ARL8B: variants seen among roughly 807,000 people sequenced by gnomAD.
The protein encoded by ARL8B is ARF like GTPase 8B, also known as ADP-ribosylation factor-like protein 8B.
Under a neutral mutation model 30.6 loss-of-function variants are expected in ARL8B, and 9 were observed. The ratio of observed to expected loss-of-function variants is 0.29; its 90% confidence interval spans 0.18 to 0.51. The LOEUF (loss-of-function observed/expected upper bound fraction) is 0.51, where lower values mean the gene tolerates loss of function less well. ARL8B is among the 20% of genes least tolerant of loss of function. The pLI, the probability that ARL8B is intolerant of heterozygous loss-of-function variation, is 0.97. For synonymous variants in ARL8B, 74 were observed against 76.0 expected (o/e 0.97, Z 0.14); for missense variants, 130 against 227.2 (o/e 0.57, Z 2.75).
At chr3:5,125,625 T>G (rs930041548) in intron 1 of ARL8B, among the ~76,000 whole-genome samples, 1 of 151,658 alleles carries the variant, frequency 6.6e-6, no homozygotes, top group African/African-American at 2.4e-5. Context: ...CTCTGCCTCC[T>G]GGGTTCAAGC....
intron 1 of ARL8B, among the ~76,000 whole-genome samples, chr3:5,141,717 A>G (rs1388069127): frequency 1.3e-5 from 2 of 152,214 alleles, no homozygotes; most frequent in South Asian, 2.1e-4. Context: ...GAATGAAAGT[A>G]TAACGTTTCC....
At chr3:5,163,516 A>G (rs2054599129) in intron 1 of ARL8B, among the ~76,000 whole-genome samples, 1 of 152,212 alleles carries the variant, frequency 6.6e-6, no homozygotes, top group South Asian at 2.1e-4. Context: ...TGAACATTGT[A>G]TATATGATTC....
At position 5,155,141 on chromosome 3, in the gene ARL8B, A is replaced by ATT. The variant is rs537589284; in HGVS notation, c.124-15358_124-15357dup. 2.4e-3 allele frequency among the ~76,000 whole-genome samples: 371 copies of ATT among 152,076 alleles called. 2 individuals carry two copies. Among genetic ancestry groups the ATT allele is most frequent in the African/African-American group, 8.7e-3 (359 of 41,480 alleles). The stretch of plus-strand genomic sequence containing the variant: ...CTTTTGTTTATCTGGGAATGTTTTA[A>ATT]TTTTTCTCCAACTTCTGAAGGACGT... On this transcript the variant is annotated intron_variant, in intron 1 of 6. Transcript: ENST00000256496.
intron 1 of ARL8B, among the ~76,000 whole-genome samples, chr3:5,125,308 C>G (rs952542478): frequency 9.2e-5 from 14 of 152,076 alleles, no homozygotes; most frequent in Admixed American, 7.2e-4. Context: ...AATGCAGGAA[C>G]GATGGCTTGA....
intron 6 of ARL8B, among the ~76,000 whole-genome samples, chr3:5,177,713 C>A (rs2054742819): frequency 6.6e-6 from 1 of 152,094 alleles, no homozygotes; most frequent in African/African-American, 2.4e-5. Flanking sequence ...CCTCGGCCTC[C>A]CAAAGTGTGG....
chr3:5,165,262 ATTGT>A (rs1156717332), intron 1 of ARL8B, among the ~76,000 whole-genome samples: 1 of 151,958 alleles, frequency 6.6e-6, no homozygotes, highest in Admixed American at 6.6e-5. Flanking sequence ...CAAAAAAAAA[ATTGT>A]TTGTAATTCT....
At chr3:5,174,157 C>G in intron 5 of ARL8B, 73 bp downstream of exon 5, 1 of 1,369,674 alleles carries the variant, frequency 7.3e-7, no homozygotes. Context: ...TATGTTATTC[C>G]TAATGATCAT....
At chr3:5,159,783 G>A (rs2054565777) in intron 1 of ARL8B, among the ~76,000 whole-genome samples, 1 of 151,624 alleles carries the variant, frequency 6.6e-6, no homozygotes, top group African/African-American at 2.4e-5. Context: ...TGAACAAGCA[G>A]CATTTGTACT....
intron 1 of ARL8B, among the ~76,000 whole-genome samples, chr3:5,147,220 C>T (rs1190020913): frequency 6.6e-6 from 1 of 152,130 alleles, no homozygotes; most frequent in East Asian, 1.9e-4. Flanking sequence ...CACCCTGTGT[C>T]CAGGTGTTCT....
At chr3:5,123,112 G>C (rs575397903) in intron 1 of ARL8B, among the ~76,000 whole-genome samples, 1 of 152,170 alleles carries the variant, frequency 6.6e-6, no homozygotes, top group Non-Finnish European at 1.5e-5. Flanking sequence ...GTGGGCCGCT[G>C]GTCCCATCTA....
intron 1 of ARL8B, among the ~76,000 whole-genome samples, chr3:5,141,105 C>T (rs539490984): frequency 1.1e-4 from 17 of 152,286 alleles, no homozygotes; most frequent in South Asian, 4.1e-4. Context: ...ACTTCAGTTT[C>T]GATTTCCCAA....
chr3:5,144,099 A>C (rs2054399372), intron 1 of ARL8B, among the ~76,000 whole-genome samples: 1 of 152,170 alleles, frequency 6.6e-6, no homozygotes, highest in Admixed American at 6.5e-5. Context: ...ACCTTCCATA[A>C]TTCCCCTTAA....
intron 1 of ARL8B, among the ~76,000 whole-genome samples, chr3:5,136,358 A>G (rs984708222): frequency 9.9e-5 from 15 of 152,222 alleles, no homozygotes; most frequent in African/African-American, 2.7e-4. Context: ...ATTCAATTCC[A>G]ATTCAGTCTG....
chr3:5,154,061 G>T (rs1033044860), intron 1 of ARL8B, among the ~76,000 whole-genome samples: 1 of 151,722 alleles, frequency 6.6e-6, no homozygotes, highest in Admixed American at 6.6e-5. Context: ...ATATTTTCTT[G>T]TCTTTGGTTA....
chr3:5,129,094 A>T (rs2054258564), intron 1 of ARL8B, among the ~76,000 whole-genome samples: 1 of 152,202 alleles, frequency 6.6e-6, no homozygotes, highest in Middle Eastern at 3.2e-3. Context: ...TCTGGGTCAA[A>T]AACGCATTTT....
chr3:5,178,465 A>C (rs555326956), intron 6 of ARL8B, among the ~76,000 whole-genome samples, 199 bp from the exon 7 acceptor site: 1 of 151,970 alleles, frequency 6.6e-6, no homozygotes, highest in Admixed American at 6.6e-5. Context: ...TTAATTTTTA[A>C]ATCAGAAAAC....
intron 4 of ARL8B, 49 bp from the exon 5 acceptor site, chr3:5,173,968 G>A (rs1012930806): frequency 1.5e-6 from 2 of 1,348,640 alleles, no homozygotes; most frequent in Admixed American, 1.7e-5. Flanking sequence ...AAACTTCTGT[G>A]ACTTTTTCTT....
intron 2 of ARL8B, 140 bp downstream of exon 2, chr3:5,170,723 T>G (rs1273149706): frequency 6.5e-6 from 4 of 613,456 alleles, no homozygotes; most frequent in Non-Finnish European, 1.1e-5. Flanking sequence ...TAGGTTTTTT[T>G]GTTGTTGTTT....
At chr3:5,142,643 C>T (rs772175683) in intron 1 of ARL8B, among the ~76,000 whole-genome samples, 8 of 152,174 alleles carry the variant, frequency 5.3e-5, no homozygotes, top group Non-Finnish European at 1.0e-4. Context: ...TGCCTTAAAT[C>T]CTTTACCTCA....
Sources: gnomAD v4.1 joint callset for allele counts (sites outside exome capture counted in the v4.1 genomes callset) on GRCh38, gnomAD v4.1.1 for gene constraint, MANE v1.5 for transcripts, NCBI Gene and HGNC (gene_info 2026-07-23, HGNC 2026-07-21) for gene names.